Variants in MID1 observed in about 807,000 individuals in gnomAD.
The protein encoded by MID1 is midline 1.
MID1 carries 7 observed loss-of-function variants against 40.4 expected under a neutral mutation model. The ratio of observed to expected loss-of-function variants is 0.17; its 90% CI spans 0.10 to 0.33. MID1 has a LOEUF of 0.33. Ranked by LOEUF, MID1 falls within the 10% of genes least tolerant of loss-of-function variation. The probability of loss-of-function intolerance (pLI) is 1.00; values close to 1 mark genes in which losing one functional copy is unlikely to be tolerated. For missense variants in MID1, 367 were observed against 558.5 expected, an observed-to-expected ratio of 0.66 and a Z score of 3.46; for synonymous variants, 229 against 221.2, an observed-to-expected ratio of 1.04 and a Z score of -0.31.
chrX:10,459,850 G>A lies in MID1; in HGVS notation c.1286-43C>T, dbSNP rs111254449. On this transcript the variant is annotated intron_variant, in intron 7 of 9. Transcript: ENST00000317552. Reference sequence around the variant, plus strand: ...CATGGTGCAGTTCTTTGGCACAAGGGGAGCAATGTTTGCATAATTTTAGGT... The same window carrying A: ...CATGGTGCAGTTCTTTGGCACAAGGAGAGCAATGTTTGCATAATTTTAGGT... The A allele has an allele frequency of 8.5e-5, 98 of 1,150,736 alleles. No homozygotes were observed. In the African/African-American group the frequency reaches 1.4e-3, roughly 17 times the overall value. The allele number at this position is 1,150,736 out of a possible 1,213,427, so 94.8% of individuals were successfully genotyped here.
At chrX:10,511,606 T>C (rs1932164195) in intron 3 of MID1, among the ~76,000 whole-genome samples, 1 of 111,873 alleles carries the variant, frequency 8.9e-6, no homozygotes, top group Admixed American at 9.5e-5. Flanking sequence ...CCAGGTTGGT[T>C]CTAAACTCTT....
intron 4 of MID1, among the ~76,000 whole-genome samples, chrX:10,492,808 T>A (rs1931021870): frequency 8.9e-6 from 1 of 112,465 alleles, no homozygotes; most frequent in African/African-American, 3.2e-5. Context: ...TTATCTTGTT[T>A]TTGGTTCAGC....
At chrX:10,451,574 G>C (rs745381381) in intron 9 of MID1, among the ~76,000 whole-genome samples, 1 of 111,776 alleles carries the variant, frequency 8.9e-6, no homozygotes, top group Non-Finnish European at 1.9e-5. Flanking sequence ...TGGTTTGGCT[G>C]TGTCCCCACC....
At chrX:10,589,993 C>G (rs1429390989) in intron 1 of MID1, 1 of 110,522 alleles carries the variant, frequency 9.0e-6, no homozygotes, top group Non-Finnish European at 1.9e-5. Flanking sequence ...CTTTTAAGGG[C>G]TCACAACTCT....
At chrX:10,771,122 G>A (rs2043765503) in intron 1 of MID1, among the ~76,000 whole-genome samples, 1 of 106,138 alleles carries the variant, frequency 9.4e-6, no homozygotes, top group Non-Finnish European at 1.9e-5. Flanking sequence ...AAAAAAAAAA[G>A]ATTCTTTTTA....
At chrX:10,618,774 G>T (rs1437818100) in intron 1 of MID1, among the ~76,000 whole-genome samples, 2 of 111,843 alleles carry the variant, frequency 1.8e-5, no homozygotes, top group Non-Finnish European at 3.8e-5. Context: ...TGTGGGAACA[G>T]GGATTCTGGA....
chrX:10,762,728 C>T (rs2043689026), intron 1 of MID1, among the ~76,000 whole-genome samples: 1 of 111,638 alleles, frequency 9.0e-6, no homozygotes, highest in Non-Finnish European at 1.9e-5. Context: ...AGCCACTGTG[C>T]CTGGCCTCTA....
At chrX:10,794,823 T>G (rs1375218867) in intron 1 of MID1, among the ~76,000 whole-genome samples, 1 of 111,351 alleles carries the variant, frequency 9.0e-6, no homozygotes, top group Non-Finnish European at 1.9e-5. Context: ...ACCTAGGGTG[T>G]TTTTTTTCCT....
chrX:10,794,677 C>T (rs2043956538), intron 1 of MID1, among the ~76,000 whole-genome samples: 1 of 112,214 alleles, frequency 8.9e-6, no homozygotes, highest in South Asian at 3.7e-4. Context: ...TGGTGACTGC[C>T]ATTCTTTTTC....
chrX:10,500,066 T>C (rs773559106), intron 3 of MID1, among the ~76,000 whole-genome samples: 1 of 112,389 alleles, frequency 8.9e-6, no homozygotes, highest in East Asian at 2.8e-4. Context: ...GTTGTCTGCA[T>C]TGAGAAGGGA....
At chrX:10,503,955 G>C (rs1425853833) in intron 3 of MID1, among the ~76,000 whole-genome samples, 2 of 112,207 alleles carry the variant, frequency 1.8e-5, no homozygotes, top group Non-Finnish European at 3.8e-5. Flanking sequence ...CTAAAACTTT[G>C]AAACTTCACA....
At chrX:10,541,354 C>T (rs1328586010) in intron 2 of MID1, among the ~76,000 whole-genome samples, 2 of 111,046 alleles carry the variant, frequency 1.8e-5, no homozygotes, top group Non-Finnish European at 3.8e-5. Context: ...CCCACCACCC[C>T]CCAGTAAATC....
intron 1 of MID1, among the ~76,000 whole-genome samples, chrX:10,678,197 TAA>T (rs1320944240): frequency 2.7e-5 from 3 of 111,877 alleles, no homozygotes; most frequent in South Asian, 3.7e-4. Context: ...CAAAAATACT[TAA>T]AGTGTCTATA....
intron 1 of MID1, among the ~76,000 whole-genome samples, chrX:10,822,600 T>C (rs2044183128): frequency 8.9e-6 from 1 of 111,870 alleles, no homozygotes; most frequent in African/African-American, 3.3e-5. Context: ...TACAAAGGTC[T>C]AATATCTAGA....
chrX:10,649,087 A>G (rs1936291085), intron 1 of MID1, among the ~76,000 whole-genome samples: 1 of 112,215 alleles, frequency 8.9e-6, no homozygotes, highest in African/African-American at 3.2e-5. Context: ...CTCAAAACCT[A>G]TATTAAAATA....
At chrX:10,554,576 C>A (rs931658800) in intron 2 of MID1, among the ~76,000 whole-genome samples, 2 of 111,728 alleles carry the variant, frequency 1.8e-5, no homozygotes, top group African/African-American at 6.5e-5. Flanking sequence ...CTGTAATGAT[C>A]AAGTCAGGGT....
intron 7 of MID1, among the ~76,000 whole-genome samples, chrX:10,461,413 A>G (rs1442242651): frequency 9.0e-6 from 1 of 110,840 alleles, no homozygotes; most frequent in African/African-American, 3.3e-5. Flanking sequence ...TTTCCTACCA[A>G]TTCTCATTTG....
At chrX:10,509,854 G>A (rs918289250) in intron 3 of MID1, among the ~76,000 whole-genome samples, 68 of 112,111 alleles carry the variant, frequency 6.1e-4, no homozygotes, top group African/African-American at 2.1e-3. Context: ...CTCATCAATA[G>A]TCAAGTGCTG....
intron 1 of MID1, among the ~76,000 whole-genome samples, chrX:10,630,415 G>A (rs751292479): frequency 1.8e-5 from 2 of 111,208 alleles, no homozygotes; most frequent in East Asian, 5.7e-4. Flanking sequence ...GATTGCAGAA[G>A]CTGTGAGGCC....
Sources: gnomAD v4.1 joint callset for allele counts (sites outside exome capture counted in the v4.1 genomes callset) on GRCh38, gnomAD v4.1.1 for gene constraint, MANE v1.5 for transcripts, NCBI Gene and HGNC (gene_info 2026-07-23, HGNC 2026-07-21) for gene names.